Variants in WWOX observed in about 807,000 individuals in gnomAD.
WWOX encodes the protein WW domain containing oxidoreductase.
In WWOX, 69 loss-of-function variants were observed where a neutral mutation model predicts 46.2. The observed-to-expected ratio is 1.49, with a 90% CI of 1.23 to 1.82. WWOX has a LOEUF of 1.82. Among genes scored for constraint, WWOX ranks in the 40% most tolerant of loss-of-function variants. The pLI, the probability that WWOX is intolerant of heterozygous loss-of-function variation, is 0.00. For missense variants in WWOX, 919 were observed against 542.6 expected, an observed-to-expected ratio of 1.69 and a Z score of -6.89; for synonymous variants, 359 against 202.6, an observed-to-expected ratio of 1.77 and a Z score of -6.56.
At chr16:79,026,397 C>T (rs1471095340) in intron 8 of WWOX, among the ~76,000 whole-genome samples, 1 of 151,600 alleles carries the variant, frequency 6.6e-6, no homozygotes, top group Non-Finnish European at 1.5e-5. Context: ...TTCCAGACTC[C>T]CCTGGCCACG....
intron 5 of WWOX, among the ~76,000 whole-genome samples, chr16:78,342,130 G>A (rs535344752): frequency 8.3e-6 from 1 of 121,060 alleles, no homozygotes; most frequent in Non-Finnish European, 2.0e-5. Flanking sequence ...AAATGTTCAA[G>A]AAGAAATACA....
rs772906467 is a variant in WWOX at position 78,967,988 on chromosome 16, TA to T, written c.1057-243616del. Among the ~76,000 whole-genome samples, 71 of 152,300 alleles carry T rather than the reference TA, an allele frequency of 4.7e-4. 1 individual carries two copies. Among genetic ancestry groups the T allele is most frequent in the Non-Finnish European group, 5.1e-4 (35 of 68,022 alleles). ...TCATTTAGCCCATACCCCACTATAT[TA>T]AAAGAAGATGTATAAGTGTATGTGT... On this transcript the variant is annotated intron_variant, in intron 8 of 8. Coordinates refer to ENST00000566780, the MANE Select transcript of WWOX (RefSeq NM_016373.4).
intron 8 of WWOX, among the ~76,000 whole-genome samples, chr16:78,818,464 C>T (rs1044217687): frequency 6.6e-6 from 1 of 152,208 alleles, no homozygotes; most frequent in Non-Finnish European, 1.5e-5. Flanking sequence ...GGTGCAGAGG[C>T]TCATGCCTGT....
chr16:78,323,603 C>G (rs2080539598), intron 5 of WWOX, among the ~76,000 whole-genome samples: 1 of 152,170 alleles, frequency 6.6e-6, no homozygotes, highest in Non-Finnish European at 1.5e-5. Context: ...CTAAGTGAAT[C>G]ATGCCCACTA....
chr16:78,576,428 C>G (rs562709531), intron 8 of WWOX, among the ~76,000 whole-genome samples: 2 of 152,192 alleles, frequency 1.3e-5, no homozygotes, highest in Non-Finnish European at 2.9e-5. Flanking sequence ...TGCACACTTT[C>G]CTTGTCTGGA....
At chr16:79,126,717 G>C (rs1158397717) in intron 8 of WWOX, among the ~76,000 whole-genome samples, 1 of 152,192 alleles carries the variant, frequency 6.6e-6, no homozygotes, top group East Asian at 1.9e-4. Flanking sequence ...CTGGAAAACT[G>C]AGTTGAGGGG....
chr16:78,485,674 G>A (rs188129982), intron 8 of WWOX, among the ~76,000 whole-genome samples: 2 of 152,228 alleles, frequency 1.3e-5, no homozygotes, highest in Admixed American at 1.3e-4. Context: ...TCACAAGTGA[G>A]CAATTGTGCT....
At chr16:79,047,296 G>A (rs538814136) in intron 8 of WWOX, among the ~76,000 whole-genome samples, 1 of 152,270 alleles carries the variant, frequency 6.6e-6, no homozygotes, top group Non-Finnish European at 1.5e-5. Context: ...AGTCTTAATA[G>A]TCTGAAGTGT....
At chr16:78,495,767 C>G (rs2084903013) in intron 8 of WWOX, among the ~76,000 whole-genome samples, 3 of 152,160 alleles carry the variant, frequency 2.0e-5, no homozygotes, top group Admixed American at 2.0e-4. Flanking sequence ...CTCCACCTCC[C>G]AAAGTGCTGG....
intron 8 of WWOX, among the ~76,000 whole-genome samples, chr16:78,673,958 C>G (rs188090594): frequency 1.4e-4 from 22 of 152,158 alleles, no homozygotes; most frequent in Admixed American, 5.9e-4. Flanking sequence ...CACATAAAAT[C>G]AGAAACATGG....
At chr16:78,555,340 A>C (rs930281558) in intron 8 of WWOX, among the ~76,000 whole-genome samples, 26 of 152,260 alleles carry the variant, frequency 1.7e-4, no homozygotes, top group Admixed American at 1.7e-3. Context: ...ATTTCCCAAA[A>C]CATATCCTTA....
Position 78,197,288 on chromosome 16 carries a change from C to T in WWOX, c.516+32999C>T, listed in dbSNP as rs540278692. On this transcript the variant is annotated intron_variant, in intron 5 of 8. Coordinates refer to ENST00000566780, the MANE Select transcript of WWOX (RefSeq NM_016373.4). ...AGCCACCTGACTCTTTCCCATATAC[C>T]ACAGTTTCTAATACGATATTATACC... is the stretch of plus-strand genomic sequence containing the variant. 6.6e-5 allele frequency among the ~76,000 whole-genome samples: 10 copies of T among 152,306 alleles called. No individual in the cohort carries two copies. The East Asian group carries it at 1.9e-3, about 29-fold the overall frequency.
chr16:78,124,175 T>G (rs3751777), intron 4 of WWOX: 1 of 151,902 alleles, frequency 6.6e-6, no homozygotes, highest in Non-Finnish European at 1.5e-5. Context: ...TTTATATAAT[T>G]TTTTTTTCAG....
At chr16:78,666,531 A>G (rs751550277) in intron 8 of WWOX, among the ~76,000 whole-genome samples, 2 of 152,204 alleles carry the variant, frequency 1.3e-5, no homozygotes, top group Non-Finnish European at 2.9e-5. Flanking sequence ...AGCAAATTTT[A>G]TTTACTCTCT....
At chr16:78,241,598 C>G (rs915119596) in intron 5 of WWOX, among the ~76,000 whole-genome samples, 2 of 152,060 alleles carry the variant, frequency 1.3e-5, no homozygotes, top group Non-Finnish European at 2.9e-5. Context: ...GCTACCATGC[C>G]TGGCTAATTC....
At chr16:78,686,343 C>T (rs567156550) in intron 8 of WWOX, among the ~76,000 whole-genome samples, 1 of 151,980 alleles carries the variant, frequency 6.6e-6, no homozygotes, top group East Asian at 1.9e-4. Context: ...AACCCCGCCT[C>T]TACTAAAAAT....
At chr16:78,720,619 C>T (rs2048666658) in intron 8 of WWOX, among the ~76,000 whole-genome samples, 1 of 151,952 alleles carries the variant, frequency 6.6e-6, no homozygotes, top group South Asian at 2.1e-4. Context: ...AGGAAACCTG[C>T]CAGCATTTCA....
chr16:78,983,870 C>CTTTTTTT (rs760130115), intron 8 of WWOX, among the ~76,000 whole-genome samples: 1,192 of 79,696 alleles, frequency 0.015, 50 homozygotes, highest in Non-Finnish European at 0.019. Context: ...GAGAGCTATT[C>CTTTTTTT]TTTTTTTTTT....
At chr16:78,700,058 C>T (rs1455839107) in intron 8 of WWOX, among the ~76,000 whole-genome samples, 1 of 152,044 alleles carries the variant, frequency 6.6e-6, no homozygotes, top group Non-Finnish European at 1.5e-5. Flanking sequence ...GCTCTTGATG[C>T]TGGCTACACC....
Sources: allele counts gnomAD v4.1 joint callset (sites outside exome capture counted in the v4.1 genomes callset), GRCh38; gene constraint gnomAD v4.1.1; transcripts MANE v1.5; gene names NCBI Gene and HGNC (gene_info 2026-07-23, HGNC 2026-07-21).